Variants in BLTP3A observed in about 807,000 individuals in gnomAD.
BLTP3A encodes the protein bridge-like lipid transfer protein family member 3A, also known as ICBP90 binding protein 1.
At chr6:34,859,160 A>C in the BLTP3A span, 6 of 1,614,032 alleles carry the variant, frequency 3.7e-6, no homozygotes, top group Non-Finnish European at 5.1e-6. Flanking sequence ...GTCTTGGAGG[A>C]AAGTAGCATT....
chr6:34,820,814 A>ATTTTT, the BLTP3A span, among the ~76,000 whole-genome samples: 975 of 102,654 alleles, frequency 9.5e-3, 47 homozygotes, highest in African/African-American at 0.033. Flanking sequence ...ACCATGCCTA[A>ATTTTT]TTTTTTTTTT....
At chr6:34,853,820 C>T in the BLTP3A span, among the ~76,000 whole-genome samples, 1 of 152,032 alleles carries the variant, frequency 6.6e-6, no homozygotes, top group African/African-American at 2.4e-5. Context: ...CCTCAGCCTC[C>T]CAAAGTGCTG....
At chr6:34,807,837 C>T in the BLTP3A span, among the ~76,000 whole-genome samples, 1 of 151,904 alleles carries the variant, frequency 6.6e-6, no homozygotes. Flanking sequence ...GTCAGGAGTT[C>T]GAGATCAGCC....
At chr6:34,826,991 C>T in the BLTP3A span, among the ~76,000 whole-genome samples, 2 of 151,980 alleles carry the variant, frequency 1.3e-5, no homozygotes, top group African/African-American at 2.4e-5. Context: ...TTTCAGTGTC[C>T]AATGCTAGGA....
At chr6:34,821,780 A>G in the BLTP3A span, 74 of 1,614,082 alleles carry the variant, frequency 4.6e-5, no homozygotes, top group Admixed American at 1.2e-4. Context: ...CTGGTTAGCC[A>G]TCACTCGGGT....
At chr6:34,834,980 A>G in the BLTP3A span, 4 of 1,265,024 alleles carry the variant, frequency 3.2e-6, no homozygotes, top group South Asian at 1.5e-5. Context: ...TTGAAGGGGG[A>G]AGGCCTGTAA....
At chr6:34,823,324 C>T in the BLTP3A span, 1 of 1,614,062 alleles carries the variant, frequency 6.2e-7, no homozygotes, top group East Asian at 2.2e-5. Flanking sequence ...GGACAGTCTC[C>T]CATTGCCCTT....
At chr6:34,834,894 C>T in the BLTP3A span, 12 of 1,601,632 alleles carry the variant, frequency 7.5e-6, no homozygotes, top group Non-Finnish European at 1.0e-5. Flanking sequence ...TGAAAACTTC[C>T]ATCTCTTATT....
At chr6:34,823,021 C>T in the BLTP3A span, among the ~76,000 whole-genome samples, 169 of 152,240 alleles carry the variant, frequency 1.1e-3, 3 homozygotes, top group South Asian at 0.032. Context: ...GAGCCCATCC[C>T]GTGCTTGTCA....
chr6:34,816,116 T>C, the BLTP3A span, among the ~76,000 whole-genome samples: 2 of 152,200 alleles, frequency 1.3e-5, no homozygotes, highest in African/African-American at 4.8e-5. Context: ...GAACTGTAAA[T>C]AGAGTTAGAT....
chr6:34,796,920 G>A, the BLTP3A span, among the ~76,000 whole-genome samples: 5 of 152,296 alleles, frequency 3.3e-5, no homozygotes, highest in South Asian at 2.1e-4. Context: ...GGCCAGGATC[G>A]TCTTGATCTC....
the BLTP3A span, among the ~76,000 whole-genome samples, chr6:34,831,101 A>G: frequency 9.2e-5 from 14 of 151,612 alleles, no homozygotes; most frequent in African/African-American, 3.4e-4. Flanking sequence ...TACTCTGTAC[A>G]GAATACCAAG....
chr6:34,821,345 GT>G, the BLTP3A span: 1 of 220,366 alleles, frequency 4.5e-6, no homozygotes, highest in Non-Finnish European at 9.1e-6. Flanking sequence ...CTCATCGTAG[GT>G]TCTTTAGTAG....
At chr6:34,825,468 C>G in the BLTP3A span, among the ~76,000 whole-genome samples, 1 of 152,248 alleles carries the variant, frequency 6.6e-6, no homozygotes, top group East Asian at 1.9e-4. Context: ...CCACCAGGCC[C>G]AGCTAATTTT....
the BLTP3A span, chr6:34,872,199 T>C: frequency 7.9e-7 from 1 of 1,262,892 alleles, no homozygotes; most frequent in Non-Finnish European, 1.1e-6. Context: ...ATCTTAATCA[T>C]TGACATAACT....
chr6:34,832,562 A>G, the BLTP3A span, among the ~76,000 whole-genome samples: 1 of 151,890 alleles, frequency 6.6e-6, no homozygotes, highest in Non-Finnish European at 1.5e-5. Context: ...TAGCCTCTCA[A>G]GTAGCTGGGA....
chr6:34,869,914 C>A, the BLTP3A span, among the ~76,000 whole-genome samples: 1 of 151,980 alleles, frequency 6.6e-6, no homozygotes, highest in African/African-American at 2.4e-5. Flanking sequence ...CTCCCAAAGT[C>A]TTAGGATTAC....
the BLTP3A span, among the ~76,000 whole-genome samples, chr6:34,853,001 G>A: frequency 1.3e-5 from 2 of 152,310 alleles, no homozygotes; most frequent in East Asian, 1.9e-4. Flanking sequence ...CCAAGCACAC[G>A]GATTCTGTCT....
chr6:34,836,064 G>T, the BLTP3A span: 1 of 1,461,390 alleles, frequency 6.8e-7, no homozygotes, highest in Non-Finnish European at 9.2e-7. Flanking sequence ...GCTAAACTGT[G>T]GTTTTCTTCA....
Sources: allele counts gnomAD v4.1 joint callset (sites outside exome capture counted in the v4.1 genomes callset), GRCh38; gene constraint gnomAD v4.1.1; transcripts MANE v1.5; gene names NCBI Gene and HGNC (gene_info 2026-07-23, HGNC 2026-07-21).